The following ESRRG variants were observed in gnomAD, a reference collection of about 807,000 sequenced individuals.
ESRRG encodes the protein estrogen-related receptor gamma.
Under a neutral mutation model 44.0 loss-of-function variants are expected in ESRRG, and 13 were observed. The observed-to-expected ratio is 0.30, with a 90% CI of 0.19 to 0.47. The LOEUF (loss-of-function observed/expected upper bound fraction) is 0.47, where lower values mean the gene tolerates loss of function less well. Among genes scored for constraint, ESRRG ranks in the 20% least tolerant of loss-of-function variants. ESRRG has a pLI of 1.00. For missense variants in ESRRG, 395 were observed against 580.6 expected (o/e 0.68, Z 3.29); for synonymous variants, 215 against 214.6 (o/e 1.00, Z -0.02).
At chr1:216,667,760 TA>T (rs1466116694) in intron 2 of ESRRG, among the ~76,000 whole-genome samples, 1 of 149,984 alleles carries the variant, frequency 6.7e-6, no homozygotes, top group Non-Finnish European at 1.5e-5. Flanking sequence ...TTATTAAATG[TA>T]ACTATCATGA....
intron 3 of ESRRG, among the ~76,000 whole-genome samples, chr1:216,618,198 G>T (rs2061681621): frequency 6.6e-6 from 1 of 152,132 alleles, no homozygotes; most frequent in Non-Finnish European, 1.5e-5. Flanking sequence ...ATCACACATT[G>T]AATTTGAGAG....
At chr1:216,968,129 T>C (rs1215159451) in intron 1 of ESRRG, among the ~76,000 whole-genome samples, 1 of 152,182 alleles carries the variant, frequency 6.6e-6, no homozygotes, top group Admixed American at 6.6e-5. Flanking sequence ...CTTTGTATAT[T>C]TTGGATAACA....
chr1:216,669,828 T>C (rs942683163), intron 2 of ESRRG, among the ~76,000 whole-genome samples: 1 of 151,974 alleles, frequency 6.6e-6, no homozygotes, highest in Non-Finnish European at 1.5e-5. Flanking sequence ...GGACATTGCA[T>C]TGAGCCAAGA....
At chr1:217,087,307 C>G (rs1260218114) in intron 1 of ESRRG, among the ~76,000 whole-genome samples, 1 of 152,194 alleles carries the variant, frequency 6.6e-6, no homozygotes, top group Non-Finnish European at 1.5e-5. Flanking sequence ...GCTGCACTGC[C>G]ATTCTCATGC....
intron 1 of ESRRG, among the ~76,000 whole-genome samples, chr1:217,031,266 G>A (rs1223147171): frequency 6.6e-6 from 1 of 152,178 alleles, no homozygotes; most frequent in Non-Finnish European, 1.5e-5. Flanking sequence ...CAGAGTTCGG[G>A]TACTACAGTA....
chr1:216,960,043 TA>T (rs1201113539), intron 1 of ESRRG, among the ~76,000 whole-genome samples: 2 of 152,180 alleles, frequency 1.3e-5, no homozygotes, highest in Admixed American at 1.3e-4. Flanking sequence ...TAAACTGTAT[TA>T]TATTGTATCA....
At chr1:216,976,927 T>A (rs536171313) in intron 1 of ESRRG, among the ~76,000 whole-genome samples, 3 of 152,322 alleles carry the variant, frequency 2.0e-5, no homozygotes, top group East Asian at 3.9e-4. Flanking sequence ...CTACTCTTTT[T>A]ATTAGTTTAA....
At chr1:216,537,371 A>G (rs1199546578) in intron 5 of ESRRG, among the ~76,000 whole-genome samples, 4 of 151,982 alleles carry the variant, frequency 2.6e-5, no homozygotes, top group Admixed American at 2.6e-4. Flanking sequence ...CATTTCTGTT[A>G]ATTATAAGCC....
upstream of ESRRG, among the ~76,000 whole-genome samples, chr1:216,725,897 T>C (rs2087424128): frequency 6.6e-6 from 1 of 152,190 alleles, no homozygotes; most frequent in Non-Finnish European, 1.5e-5. Flanking sequence ...TCCTTTGAAA[T>C]GGCTTTTTAA....
chr1:216,598,320 G>T (rs1219417253), intron 3 of ESRRG, among the ~76,000 whole-genome samples: 2 of 152,154 alleles, frequency 1.3e-5, no homozygotes, highest in Non-Finnish European at 2.9e-5. Context: ...GTGGCTGAGT[G>T]GACTGTGGCT....
intron 2 of ESRRG, among the ~76,000 whole-genome samples, chr1:216,664,937 C>A (rs1007219800): frequency 6.6e-6 from 1 of 152,050 alleles, no homozygotes; most frequent in Non-Finnish European, 1.5e-5. Flanking sequence ...AGGTTCACTG[C>A]AGTATTATTT....
upstream of ESRRG, among the ~76,000 whole-genome samples, chr1:217,091,975 C>A (rs946392662): frequency 6.6e-6 from 1 of 152,178 alleles, no homozygotes; most frequent in Non-Finnish European, 1.5e-5. Flanking sequence ...TTGTTTTGTT[C>A]TTTTCAGACA....
At chr1:216,611,211 C>CA (rs397861468) in intron 3 of ESRRG, among the ~76,000 whole-genome samples, 25,855 of 60,346 alleles carry the variant, frequency 0.43, 7,198 homozygotes, top group East Asian at 0.52. Context: ...ACTCCGTCCT[C>CA]AAAAAAAAAA....
intron 5 of ESRRG, among the ~76,000 whole-genome samples, chr1:216,526,105 G>C (rs1434131122): frequency 6.6e-6 from 1 of 152,120 alleles, no homozygotes; most frequent in Non-Finnish European, 1.5e-5. Context: ...TTTATAGTCA[G>C]GAAGTGATGT....
At chr1:216,711,162 A>G (rs1418568526) in intron 1 of ESRRG, among the ~76,000 whole-genome samples, 1 of 152,184 alleles carries the variant, frequency 6.6e-6, no homozygotes, top group African/African-American at 2.4e-5. Flanking sequence ...GTTCTGCCGC[A>G]GGTGGGCAAG....
At chr1:216,724,849 G>A (rs942117911), upstream of ESRRG, among the ~76,000 whole-genome samples, 2 of 151,968 alleles carry the variant, frequency 1.3e-5, no homozygotes, top group Non-Finnish European at 2.9e-5. Context: ...AGCTATTTAT[G>A]GCAAAGAGAT....
intron 1 of ESRRG, among the ~76,000 whole-genome samples, chr1:217,101,078 G>T (rs1215730426): frequency 6.6e-6 from 1 of 152,202 alleles, no homozygotes; most frequent in Non-Finnish European, 1.5e-5. Context: ...AGTGTTGACG[G>T]TTAGCCTAAA....
intron 2 of ESRRG, among the ~76,000 whole-genome samples, chr1:216,882,540 A>C (rs1413779738): frequency 6.6e-6 from 1 of 152,234 alleles, no homozygotes; most frequent in Non-Finnish European, 1.5e-5. Flanking sequence ...TAAGACCATC[A>C]AAATGGAAAG....
intron 1 of ESRRG, among the ~76,000 whole-genome samples, chr1:217,043,255 C>T (rs558016961): frequency 6.6e-6 from 1 of 152,136 alleles, no homozygotes; most frequent in South Asian, 2.1e-4. Flanking sequence ...AAGTAAGCTG[C>T]CCTCACCAAC....
Sources: gnomAD v4.1 joint callset for allele counts (sites outside exome capture counted in the v4.1 genomes callset) on GRCh38, gnomAD v4.1.1 for gene constraint, MANE v1.5 for transcripts, NCBI Gene and HGNC (gene_info 2026-07-23, HGNC 2026-07-21) for gene names.